The following RIPOR3 variants were observed in gnomAD, a reference collection of about 807,000 sequenced individuals.
RIPOR3 encodes the protein RIPOR family member 3, also known as family with sequence similarity 65 member C.
Under a neutral mutation model 114.3 loss-of-function variants are expected in RIPOR3, and 95 were observed. That is an observed-to-expected ratio of 0.83 (90% CI 0.70 to 0.99). The LOEUF (loss-of-function observed/expected upper bound fraction) is 0.99, where lower values mean the gene tolerates loss of function less well. Among genes scored for constraint, RIPOR3 ranks in the 50% least tolerant of loss-of-function variants. RIPOR3 has a pLI of 0.00. For synonymous variants in RIPOR3, 575 were observed against 543.8 expected, an observed-to-expected ratio of 1.06 and a Z score of -0.80; for missense variants, 1,252 against 1,266.9, an observed-to-expected ratio of 0.99 and a Z score of 0.18.
At chr20:50,661,194 C>T (rs935184796) in intron 1 of RIPOR3, among the ~76,000 whole-genome samples, 7 of 150,844 alleles carry the variant, frequency 4.6e-5, no homozygotes, top group Admixed American at 6.6e-5. Context: ...GCCAAAATCA[C>T]GCCACTGCAC....
intron 1 of RIPOR3, among the ~76,000 whole-genome samples, chr20:50,654,428 T>TG (rs1191740741): frequency 1.5e-5 from 2 of 129,368 alleles, no homozygotes; most frequent in Admixed American, 7.9e-5. Flanking sequence ...CAGAGTTTTT[T>TG]TTTTTTTTTT....
At chr20:50,634,866 C>G (rs1160939542) in intron 1 of RIPOR3, among the ~76,000 whole-genome samples, 2 of 152,190 alleles carry the variant, frequency 1.3e-5, no homozygotes, top group African/African-American at 4.8e-5. Context: ...AACCCTGTCT[C>G]TACTAAAAAC....
intron 1 of RIPOR3, among the ~76,000 whole-genome samples, chr20:50,683,185 G>A (rs972006531): frequency 6.6e-6 from 1 of 152,146 alleles, no homozygotes; most frequent in African/African-American, 2.4e-5. Flanking sequence ...TTTTTAGAAA[G>A]GCAAGGGAAA....
chr20:50,678,565 A>G (rs537272589), intron 1 of RIPOR3, among the ~76,000 whole-genome samples: 48 of 152,336 alleles, frequency 3.2e-4, no homozygotes, highest in African/African-American at 1.0e-3. Flanking sequence ...CTCACAAGCT[A>G]CAGGTTATTC....
intron 1 of RIPOR3, among the ~76,000 whole-genome samples, chr20:50,688,434 C>T (rs536654472): frequency 3.9e-4 from 59 of 152,354 alleles, no homozygotes; most frequent in African/African-American, 1.3e-3. Flanking sequence ...GAATTACATG[C>T]ATGAGTCACC....
intron 1 of RIPOR3, among the ~76,000 whole-genome samples, chr20:50,637,213 T>C (rs1374870773): frequency 4.6e-5 from 7 of 152,110 alleles, no homozygotes; most frequent in Non-Finnish European, 1.0e-4. Flanking sequence ...ACAACTTGCC[T>C]GGACCACCCA....
At chr20:50,633,729 G>A (rs1449624984) in intron 1 of RIPOR3, among the ~76,000 whole-genome samples, 3 of 152,182 alleles carry the variant, frequency 2.0e-5, no homozygotes, top group African/African-American at 7.2e-5. Flanking sequence ...TTGCTAAGCA[G>A]TTCCTCCCGA....
intron 11 of RIPOR3, among the ~76,000 whole-genome samples, chr20:50,605,345 C>T (rs929269691): frequency 6.6e-6 from 1 of 152,082 alleles, no homozygotes; most frequent in Non-Finnish European, 1.5e-5. Flanking sequence ...GAGTGACTTG[C>T]TTAGGGCAGT....
chr20:50,666,198 T>TTTCCTTTCC, intron 1 of RIPOR3, among the ~76,000 whole-genome samples: 1 of 96,750 alleles, frequency 1.0e-5, no homozygotes, highest in Non-Finnish European at 2.0e-5. Context: ...TTTTCTTTTC[T>TTTCCTTTCC]TTTCTTTTCT....
rs754497924 is a variant in RIPOR3, at chr20:50,593,163, C to T, written c.2246G>A (p.Cys749Tyr). Reference protein sequence around the residue: ...CRRLLEQVVSCGGLLPGAGLP... With the variant: ...CRRLLEQVVSYGGLLPGAGLP... Reference sequence around the variant, plus strand: ...CCCAGCTCCGGGGAGCAGCCCACCACAGCTGACCACCTGCTCCAGGAGCCT... The same window carrying T: ...CCCAGCTCCGGGGAGCAGCCCACCATAGCTGACCACCTGCTCCAGGAGCCT... Residue 749 changes from cysteine (C) to tyrosine (Y), a missense_variant, in exon 18 of 22, where the codon TGT becomes TAT. Coordinates refer to ENST00000327979, the MANE Select transcript of RIPOR3 (RefSeq NM_001290268.2). The T allele has an allele frequency of 8.7e-6, 14 of 1,613,428 alleles. No individual in the cohort carries two copies. The highest frequency in any genetic ancestry group is 1.1e-5 in the Non-Finnish European group (13 of 1,180,034).
At chr20:50,617,033 T>A (rs13039545) in intron 3 of RIPOR3, among the ~76,000 whole-genome samples, 2 of 152,058 alleles carry the variant, frequency 1.3e-5, no homozygotes, top group African/African-American at 4.8e-5. Flanking sequence ...TCCCAGCTAC[T>A]CGGGAGGCTG....
chr20:50,660,872 A>G lies in RIPOR3; in HGVS notation c.4-30016T>C, dbSNP rs2085971264. 2.1e-5 allele frequency among the ~76,000 whole-genome samples: 3 copies of G among 145,882 alleles called. No individual in the cohort carries two copies. The South Asian group carries it at 6.5e-4, about 32-fold the overall frequency. The stretch of plus-strand genomic sequence containing the variant: ...TGGGCTCAAGGGATCCTCCCACCTC[A>G]GCACCCCCCACCTATGCCCTCAAAG... On this transcript the variant is annotated intron_variant, in intron 1 of 21. Coordinates refer to ENST00000327979, the MANE Select transcript of RIPOR3 (RefSeq NM_001290268.2).
rs373678317 is a variant in RIPOR3, at chr20:50,602,050, G to A, written c.1659+22C>T. ...ATGCCATCAGCAAAGCAGGGCCACCGCCCGGGGCGGGGTGGCCATACCTTC... is the reference window on the plus strand; with the variant it reads ...ATGCCATCAGCAAAGCAGGGCCACCACCCGGGGCGGGGTGGCCATACCTTC... On this transcript the variant is annotated intron_variant, in intron 13 of 21. Coordinates refer to ENST00000327979, the MANE Select transcript of RIPOR3 (RefSeq NM_001290268.2). The surrounding 1 kb of genome is among the most constrained non-coding windows in gnomAD (Gnocchi z 4.3). 4.8e-4 allele frequency: 707 copies of A among 1,474,322 alleles called. 3 individuals are homozygous for A. In the African/African-American group the frequency reaches 8.9e-3, roughly 19 times the overall value. 91.3% of individuals were successfully genotyped at this position (1,474,322 alleles called of 1,614,324 possible).
At chr20:50,613,838 A>G (rs2123104049) in intron 4 of RIPOR3, among the ~76,000 whole-genome samples, 1 of 152,238 alleles carries the variant, frequency 6.6e-6, no homozygotes, top group South Asian at 2.1e-4. Context: ...TTCTCCCACC[A>G]TCTGCTGCTG....
rs1284775637 is a variant in RIPOR3, at chr20:50,588,057, A to C, written c.2662-165T>G. 3.3e-5 allele frequency among the ~76,000 whole-genome samples: 5 copies of C among 152,112 alleles called. No individual in the cohort carries two copies. The East Asian group carries it at 9.7e-4, about 29-fold the overall frequency. On this transcript the variant is annotated intron_variant, in intron 20 of 21. Transcript: ENST00000327979. ...TTTTAGGTGGCCTCAGGTTCATGAG[A>C]GGCACCTCTGGACTCTGGAAGCGTC...
Position 50,587,860 on chromosome 20 carries a change from C to T in RIPOR3, c.2694G>A (p.Leu898=). The T allele has an allele frequency of 6.2e-7, 1 of 1,614,168 alleles. No homozygotes were observed. The highest frequency in any genetic ancestry group is 1.3e-5 in the African/African-American group (1 of 75,080). The change falls in exon 21 of 22, where the codon CTG becomes CTA. Residue 898 remains leucine, a synonymous_variant. Coordinates refer to ENST00000327979, the MANE Select transcript of RIPOR3 (RefSeq NM_001290268.2). ...GCACGGCCTCCAGGTCAGACTGGCA[C>T]AGGCTGGCAGTCTGGTCGATGCTTT... The part of the protein sequence containing the change: ...GIESIDQTAS[L]CQSDLEAVRA...
At chr20:50,665,636 G>T (rs1235673085) in intron 1 of RIPOR3, among the ~76,000 whole-genome samples, 1 of 151,956 alleles carries the variant, frequency 6.6e-6, no homozygotes, top group Admixed American at 6.6e-5. Context: ...TGGCCAGGCT[G>T]GTCTCGAACT....
At chr20:50,666,214 T>TCTCTTCTCTTCTCTTCTCTTCTCTTCTC (rs2086223997) in intron 1 of RIPOR3, among the ~76,000 whole-genome samples, 2 of 112,584 alleles carry the variant, frequency 1.8e-5, no homozygotes, top group Admixed American at 8.9e-5. Context: ...TTTCTTTTCT[T>TCTCTTCTCTTCTCTTCTCTTCTCTTCTC]TTCTTTTCTT....
At chr20:50,630,974 G>A in intron 1 of RIPOR3, 118 bp from the exon 2 acceptor site, 1 of 783,510 alleles carries the variant, frequency 1.3e-6, no homozygotes, top group Admixed American at 2.2e-5. Flanking sequence ...GTGTTGTGGG[G>A]GCTGGTACTG....
Sources: gnomAD v4.1 joint callset for allele counts (sites outside exome capture counted in the v4.1 genomes callset) on GRCh38, gnomAD v4.1.1 for gene constraint, Gnocchi (gnomAD v3.1) non-coding constraint, MANE v1.5 for transcripts, NCBI Gene and HGNC (gene_info 2026-07-23, HGNC 2026-07-21) for gene names.